The following ANP32B variants were observed in gnomAD, a reference collection of about 807,000 sequenced individuals.
ANP32B encodes acidic leucine-rich nuclear phosphoprotein 32 family member B.
A neutral mutation model predicts 32.2 loss-of-function variants in ANP32B; 6 were observed. The ratio of observed to expected loss-of-function variants is 0.19; its 90% confidence interval spans 0.10 to 0.37. The LOEUF (loss-of-function observed/expected upper bound fraction) is 0.37. Ranked by LOEUF, ANP32B falls within the 10% of genes least tolerant of loss-of-function variation. The pLI, the probability that ANP32B is intolerant of heterozygous loss-of-function variation, is 1.00. For missense variants in ANP32B, 204 were observed against 289.2 expected (o/e 0.71, Z 2.14); for synonymous variants, 98 against 105.8 (o/e 0.93, Z 0.45).
At chr9:98,004,186 A>G (rs1033772294) in intron 3 of ANP32B, among the ~76,000 whole-genome samples, 3 of 152,196 alleles carry the variant, frequency 2.0e-5, no homozygotes, top group Admixed American at 6.5e-5. Context: ...CCAACTTTTT[A>G]TAGCTTAACT....
intron 2 of ANP32B, among the ~76,000 whole-genome samples, chr9:97,996,754 TG>T (rs1384206028): frequency 6.6e-6 from 1 of 151,832 alleles, no homozygotes; most frequent in Non-Finnish European, 1.5e-5. Context: ...CCACCACGCC[TG>T]GCTACTTTTT....
intron 4 of ANP32B, among the ~76,000 whole-genome samples, chr9:98,008,445 G>C (rs775352818): frequency 6.6e-6 from 1 of 152,178 alleles, no homozygotes; most frequent in Non-Finnish European, 1.5e-5. Flanking sequence ...CAGGTCAATC[G>C]ACTTTGTTCA....
At chr9:98,014,281 G>A (rs1195717780) in intron 6 of ANP32B, among the ~76,000 whole-genome samples, 2 of 151,786 alleles carry the variant, frequency 1.3e-5, no homozygotes, top group East Asian at 1.9e-4. Context: ...GGTGGCAGGC[G>A]CCTGTAGTCC....
At chr9:97,983,758 A>AG (rs1017720468) in intron 1 of ANP32B, 149 bp downstream of exon 1, 6 of 542,024 alleles carry the variant, frequency 1.1e-5, no homozygotes, top group Admixed American at 8.8e-5. Context: ...GCGGGCGCGG[A>AG]GGGGGGAGCG....
chr9:98,011,238 A>G, intron 4 of ANP32B, 33 bp from the exon 5 acceptor site: 1 of 1,549,320 alleles, frequency 6.5e-7, no homozygotes, highest in Non-Finnish European at 8.7e-7. Flanking sequence ...AGCGTCGAGG[A>G]TATTTAATGA....
At chr9:98,011,123 A>G (rs1828176049) in intron 4 of ANP32B, 148 bp from the exon 5 acceptor site, 2 of 1,140,972 alleles carry the variant, frequency 1.8e-6, no homozygotes, top group Non-Finnish European at 2.4e-6. Flanking sequence ...GGACAAAGGG[A>G]CTGAGCTGTA....
intron 1 of ANP32B, among the ~76,000 whole-genome samples, chr9:97,984,300 G>C (rs1439540757): frequency 6.6e-6 from 1 of 151,176 alleles, no homozygotes; most frequent in African/African-American, 2.4e-5. Context: ...GGCCAAGTTT[G>C]AAAAAAGGAC....
chr9:97,992,194 A>G (rs147799314), intron 1 of ANP32B, among the ~76,000 whole-genome samples: 1 of 152,062 alleles, frequency 6.6e-6, no homozygotes, highest in Non-Finnish European at 1.5e-5. Flanking sequence ...GGTTCAAGCA[A>G]TTCTCCTGCC....
chr9:97,985,317 A>G (rs1273105431), intron 1 of ANP32B, among the ~76,000 whole-genome samples: 2 of 151,922 alleles, frequency 1.3e-5, no homozygotes, highest in African/African-American at 4.8e-5. Context: ...TGAGGTCACC[A>G]CTAACGCGGG....
chr9:97,993,975 CTG>C (rs2131583757), intron 1 of ANP32B, among the ~76,000 whole-genome samples: 1 of 152,316 alleles, frequency 6.6e-6, no homozygotes, highest in African/African-American at 2.4e-5. Flanking sequence ...GAAAAAGAGA[CTG>C]TGTAGCCTGA....
intron 2 of ANP32B, 108 bp from the exon 3 acceptor site, chr9:97,998,448 T>G (rs1827938531): frequency 2.4e-6 from 3 of 1,248,294 alleles, no homozygotes; most frequent in Non-Finnish European, 3.2e-6. Context: ...AGGGATCATT[T>G]GATCTTGATA....
chr9:98,004,871 A>G (rs1170244465), intron 3 of ANP32B, 93 bp from the exon 4 acceptor site: 8 of 997,096 alleles, frequency 8.0e-6, no homozygotes, highest in Non-Finnish European at 1.2e-5. Flanking sequence ...TGGAAATTGA[A>G]TATAGAGCCT....
chr9:98,010,280 T>G lies in ANP32B; in HGVS notation c.518-991T>G, dbSNP rs377728466. Among the ~76,000 whole-genome samples the G allele has an allele frequency of 5.7e-3, 866 of 151,542 alleles. 9 individuals are homozygous for G. Among genetic ancestry groups the G allele is most frequent in the Middle Eastern group, 0.01 (3 of 292 alleles). ...AAATGGTGTTTTTTTTTTTTTGTTTTTTTTTTTTAAATCATAAATAGGCTA... is the reference window on the plus strand; with the variant it reads ...AAATGGTGTTTTTTTTTTTTTGTTTGTTTTTTTTAAATCATAAATAGGCTA... On this transcript the variant is annotated intron_variant, in intron 4 of 6. Coordinates refer to ENST00000339399, the MANE Select transcript of ANP32B (RefSeq NM_006401.3).
intron 1 of ANP32B, among the ~76,000 whole-genome samples, chr9:97,985,915 G>A (rs1225291917): frequency 1.3e-5 from 2 of 152,004 alleles, no homozygotes; most frequent in East Asian, 3.9e-4. Context: ...TCCGCTTACC[G>A]GGTTCAAGCG....
At chr9:98,004,926 T>G (rs1450742708) in intron 3 of ANP32B, 38 bp from the exon 4 acceptor site, 3 of 1,519,328 alleles carry the variant, frequency 2.0e-6, no homozygotes, top group African/African-American at 1.4e-5. Context: ...TTATATTCCT[T>G]TGGTTTAGGA....
At chr9:97,993,588 T>C (rs1303922861) in intron 1 of ANP32B, among the ~76,000 whole-genome samples, 1 of 152,214 alleles carries the variant, frequency 6.6e-6, no homozygotes, top group Non-Finnish European at 1.5e-5. Context: ...TTGTGGTGGA[T>C]CTGCATGTAG....
intron 1 of ANP32B, among the ~76,000 whole-genome samples, chr9:97,988,919 CAGAA>C (rs935264571): frequency 2.1e-4 from 32 of 152,290 alleles, no homozygotes; most frequent in African/African-American, 6.3e-4. Flanking sequence ...ATTGACAACT[CAGAA>C]AGATCTTTAA....
intron 1 of ANP32B, among the ~76,000 whole-genome samples, chr9:97,991,706 G>A (rs190849833): frequency 1.4e-4 from 22 of 152,280 alleles, no homozygotes; most frequent in Non-Finnish European, 5.9e-5. Flanking sequence ...ACACTCAGAT[G>A]TTTGTATTCT....
intron 1 of ANP32B, among the ~76,000 whole-genome samples, chr9:97,983,815 C>T (rs918941134): frequency 6.6e-6 from 1 of 151,756 alleles, no homozygotes; most frequent in Non-Finnish European, 1.5e-5. Flanking sequence ...CCTGGGGCGG[C>T]CGGGGGGAGG....
Sources: allele counts gnomAD v4.1 joint callset (sites outside exome capture counted in the v4.1 genomes callset), GRCh38; gene constraint gnomAD v4.1.1; transcripts MANE v1.5; gene names NCBI Gene and HGNC (gene_info 2026-07-23, HGNC 2026-07-21).